ITFG1: variants seen among roughly 807,000 people sequenced by gnomAD.
ITFG1 encodes the protein integrin alpha FG-GAP repeat containing 1, also known as T-cell immunomodulatory protein.
Under a neutral mutation model 81.8 loss-of-function variants are expected in ITFG1, and 34 were observed. That is an observed-to-expected ratio of 0.42 (90% CI 0.32 to 0.55). The LOEUF is 0.55. Ranked by LOEUF, ITFG1 falls within the 20% of genes least tolerant of loss-of-function variation. ITFG1 has a pLI of 0.17. For missense variants in ITFG1, 672 were observed against 755.4 expected, an observed-to-expected ratio of 0.89 and a Z score of 1.29; for synonymous variants, 285 against 270.6, an observed-to-expected ratio of 1.05 and a Z score of -0.52.
chr16:47,239,512 A>G (rs1393469117), intron 12 of ITFG1, among the ~76,000 whole-genome samples: 4 of 151,932 alleles, frequency 2.6e-5, no homozygotes, highest in Admixed American at 6.6e-5. Context: ...TATTTTTTTT[A>G]TATTAATAGC....
At chr16:47,177,114 C>A (rs1333297446) in intron 14 of ITFG1, among the ~76,000 whole-genome samples, 1 of 152,050 alleles carries the variant, frequency 6.6e-6, no homozygotes, top group Non-Finnish European at 1.5e-5. Context: ...CACATGACAT[C>A]ATATCTGGCT....
chr16:47,437,968 C>G (rs1177867530), intron 5 of ITFG1, among the ~76,000 whole-genome samples: 1 of 152,198 alleles, frequency 6.6e-6, no homozygotes, highest in Non-Finnish European at 1.5e-5. Context: ...CCTGGAAAAA[C>G]GGGTCACTCC....
At chr16:47,353,918 T>C (rs552730362) in intron 8 of ITFG1, among the ~76,000 whole-genome samples, 1 of 152,254 alleles carries the variant, frequency 6.6e-6, no homozygotes, top group South Asian at 2.1e-4. Context: ...CCTGTGTTCA[T>C]GAATCGCAAG....
intron 6 of ITFG1, among the ~76,000 whole-genome samples, chr16:47,382,732 T>C (rs1596946760): frequency 6.6e-6 from 1 of 152,174 alleles, no homozygotes; most frequent in Non-Finnish European, 1.5e-5. Flanking sequence ...GCAAAACCAA[T>C]AAATTCCAAG....
intron 8 of ITFG1, among the ~76,000 whole-genome samples, chr16:47,350,211 A>G (rs1225324951): frequency 6.6e-6 from 1 of 152,222 alleles, no homozygotes; most frequent in Non-Finnish European, 1.5e-5. Context: ...AATAACTAAG[A>G]TCAGACCAGA....
chr16:47,436,809 G>A (rs1465753585), intron 5 of ITFG1, among the ~76,000 whole-genome samples: 1 of 152,138 alleles, frequency 6.6e-6, no homozygotes, highest in Non-Finnish European at 1.5e-5. Flanking sequence ...GAAAGCCCCT[G>A]AGTTGTAAAA....
intron 6 of ITFG1, among the ~76,000 whole-genome samples, chr16:47,384,733 T>G (rs761979462): frequency 6.6e-6 from 1 of 152,202 alleles, no homozygotes; most frequent in Non-Finnish European, 1.5e-5. Context: ...GATTCAAACA[T>G]CTTTTAAATA....
chr16:47,366,411 C>G (rs1381824884), intron 7 of ITFG1, among the ~76,000 whole-genome samples: 1 of 152,112 alleles, frequency 6.6e-6, no homozygotes, highest in Admixed American at 6.5e-5. Flanking sequence ...GTTTACATAT[C>G]AATGAGAAGA....
chr16:47,319,829 CA>C (rs1567458694), intron 8 of ITFG1, among the ~76,000 whole-genome samples: 2 of 152,044 alleles, frequency 1.3e-5, no homozygotes, highest in Non-Finnish European at 1.5e-5. Flanking sequence ...GTGAAAAAGT[CA>C]AAAAATATCT....
At chr16:47,414,948 T>C (rs1968855875) in intron 6 of ITFG1, among the ~76,000 whole-genome samples, 1 of 152,224 alleles carries the variant, frequency 6.6e-6, no homozygotes, top group Non-Finnish European at 1.5e-5. Context: ...CTTTTTAGGC[T>C]CTGACCTTGA....
chr16:47,324,517 C>A (rs1242726961), intron 8 of ITFG1, among the ~76,000 whole-genome samples: 1 of 152,140 alleles, frequency 6.6e-6, no homozygotes, highest in Non-Finnish European at 1.5e-5. Flanking sequence ...GGGTTAAATG[C>A]TCCAATTAAA....
rs374792317 is a variant in ITFG1 at position 47,408,385 on chromosome 16, A to C, written c.655+20419T>G. Among the ~76,000 whole-genome samples the C allele has an allele frequency of 1.1e-4, 16 of 152,334 alleles. No homozygotes were observed. The East Asian group carries it at 2.9e-3, about 28-fold the overall frequency. ...AAGAAGTTCCTAAGCAGGCATTCTG[A>C]GTGTGAGCTTACAAGTTCTAAAAGT... On this transcript the variant is annotated intron_variant, in intron 6 of 17. Coordinates refer to ENST00000320640, the MANE Select transcript of ITFG1 (RefSeq NM_030790.5).
chr16:47,316,054 G>T (rs934475618), intron 8 of ITFG1, among the ~76,000 whole-genome samples: 4 of 152,028 alleles, frequency 2.6e-5, no homozygotes, highest in African/African-American at 9.7e-5. Context: ...GCCTCCTAAA[G>T]TGCTGGGATT....
intron 14 of ITFG1, among the ~76,000 whole-genome samples, chr16:47,170,754 G>C (rs865788220): frequency 3.3e-5 from 1 of 30,234 alleles, no homozygotes; most frequent in Non-Finnish European, 6.9e-5. Context: ...TTTTTTTTTT[G>C]AGATGGAGAC....
intron 14 of ITFG1, among the ~76,000 whole-genome samples, chr16:47,174,991 CA>C (rs1231518036): frequency 3.3e-5 from 5 of 152,124 alleles, no homozygotes; most frequent in Non-Finnish European, 7.4e-5. Context: ...AAAATTGTTC[CA>C]AGAAGTTGTT....
At chr16:47,159,937 G>A (rs1049112433) in intron 16 of ITFG1, among the ~76,000 whole-genome samples, 1 of 151,984 alleles carries the variant, frequency 6.6e-6, no homozygotes, top group Non-Finnish European at 1.5e-5. Context: ...ACATAAATTT[G>A]AAAAGAACAT....
At chr16:47,182,577 C>A (rs1434461754) in intron 14 of ITFG1, among the ~76,000 whole-genome samples, 3 of 152,156 alleles carry the variant, frequency 2.0e-5, no homozygotes, top group Non-Finnish European at 2.9e-5. Context: ...GAAAGAGAGA[C>A]AAACCTTGAC....
At chr16:47,328,481 A>T (rs1016874215) in intron 8 of ITFG1, among the ~76,000 whole-genome samples, 21 of 150,840 alleles carry the variant, frequency 1.4e-4, no homozygotes, top group South Asian at 1.0e-3. Flanking sequence ...TAATAATAAT[A>T]AAAAAAATCA....
intron 8 of ITFG1, among the ~76,000 whole-genome samples, chr16:47,344,173 T>C (rs1318668703): frequency 2.0e-5 from 3 of 152,170 alleles, no homozygotes; most frequent in African/African-American, 7.2e-5. Flanking sequence ...ATAGAAAAAG[T>C]TCTGAAAATA....
Sources: gnomAD v4.1 joint callset for allele counts (sites outside exome capture counted in the v4.1 genomes callset) on GRCh38, gnomAD v4.1.1 for gene constraint, MANE v1.5 for transcripts, NCBI Gene and HGNC (gene_info 2026-07-23, HGNC 2026-07-21) for gene names.